KCNK13: variants seen among roughly 807,000 people sequenced by gnomAD.
The protein encoded by KCNK13 is potassium channel subfamily K member 13.
Under a neutral mutation model 23.4 loss-of-function variants are expected in KCNK13, and 12 were observed. The observed-to-expected ratio is 0.51, with a 90% CI of 0.33 to 0.83. KCNK13 has a LOEUF of 0.83. Among genes scored for constraint, KCNK13 ranks in the 40% least tolerant of loss-of-function variants. The pLI, the probability that KCNK13 is intolerant of heterozygous loss-of-function variation, is 0.02. For missense variants in KCNK13, 463 were observed against 556.3 expected (o/e 0.83, Z 1.69); for synonymous variants, 231 against 229.5 (o/e 1.01, Z -0.06).
At chr14:90,098,857 A>G (rs1348679080) in intron 1 of KCNK13, among the ~76,000 whole-genome samples, 1 of 152,154 alleles carries the variant, frequency 6.6e-6, no homozygotes, top group Non-Finnish European at 1.5e-5. Flanking sequence ...AGGCAGGTGG[A>G]TCATGAGATC....
chr14:90,166,705 CAAA>C (rs11406494), intron 1 of KCNK13, among the ~76,000 whole-genome samples: 2 of 110,788 alleles, frequency 1.8e-5, no homozygotes, highest in African/African-American at 3.3e-5. Context: ...GACTCTGTCT[CAAA>C]AAAAAAAAAA....
intron 1 of KCNK13, among the ~76,000 whole-genome samples, chr14:90,137,861 C>T (rs1467005076): frequency 6.6e-6 from 1 of 152,164 alleles, no homozygotes; most frequent in Non-Finnish European, 1.5e-5. Flanking sequence ...AAGGCTGTAG[C>T]TTCTTATAAT....
intron 1 of KCNK13, among the ~76,000 whole-genome samples, chr14:90,164,940 A>C (rs984157070): frequency 1.3e-5 from 2 of 152,134 alleles, no homozygotes; most frequent in African/African-American, 4.8e-5. Flanking sequence ...TTCATTTCGC[A>C]TACCCCTTAC....
At chr14:90,171,514 G>A (rs917670684) in intron 1 of KCNK13, among the ~76,000 whole-genome samples, 4 of 152,310 alleles carry the variant, frequency 2.6e-5, no homozygotes, top group Admixed American at 6.5e-5. Context: ...TTGAAGACAC[G>A]TGCCTGTGAT....
chr14:90,107,884 G>A lies in KCNK13; in HGVS notation c.334+45345G>A, dbSNP rs183504981. 1.4e-5 allele frequency: 11 copies of A among 791,374 alleles called. No individual in the cohort carries two copies. In the East Asian group the frequency reaches 2.5e-4, roughly 18 times the overall value. The allele number at this position is 791,374 out of a possible 1,614,324, so 49.0% of individuals were successfully genotyped here. On this transcript the variant is annotated intron_variant, in intron 1 of 1. Coordinates refer to ENST00000282146, the MANE Select transcript of KCNK13 (RefSeq NM_022054.4). ...AACAGCTCACGGGAGCAAGAATGGG[G>A]CCTTGAGTCTTTATCAGTAAAGATT... is the stretch of plus-strand genomic sequence containing the variant.
chr14:90,176,478 A>C (rs1173314707), intron 1 of KCNK13, among the ~76,000 whole-genome samples: 1 of 151,730 alleles, frequency 6.6e-6, no homozygotes, highest in Non-Finnish European at 1.5e-5. Flanking sequence ...TCCTTTCTTC[A>C]TCCCAGTTGA....
At chr14:90,128,999 A>AAAAGGCAC (rs1889836325) in intron 1 of KCNK13, among the ~76,000 whole-genome samples, 1 of 151,994 alleles carries the variant, frequency 6.6e-6, no homozygotes, top group Non-Finnish European at 1.5e-5. Context: ...GGTAATTATC[A>AAAAGGCAC]TTCTTTTGTT....
intron 1 of KCNK13, among the ~76,000 whole-genome samples, chr14:90,149,059 A>G (rs1289898593): frequency 6.6e-6 from 1 of 152,202 alleles, no homozygotes; most frequent in East Asian, 1.9e-4. Flanking sequence ...GGTAATTTAT[A>G]AAGAAAAAGA....
chr14:90,110,467 G>A (rs1165452947), intron 1 of KCNK13, among the ~76,000 whole-genome samples: 1 of 146,062 alleles, frequency 6.8e-6, no homozygotes, highest in African/African-American at 2.6e-5. Context: ...GCGACGGAGT[G>A]AGTCTTCGTC....
chr14:90,119,365 C>T (rs1889711315), intron 1 of KCNK13, among the ~76,000 whole-genome samples: 1 of 152,160 alleles, frequency 6.6e-6, no homozygotes, highest in African/African-American at 2.4e-5. Flanking sequence ...GGTTAATATC[C>T]TTGATTAACA....
chr14:90,183,951 A>ATG (rs2140450851), intron 1 of KCNK13, among the ~76,000 whole-genome samples, 160 bp from the exon 2 acceptor site: 1 of 152,320 alleles, frequency 6.6e-6, no homozygotes, highest in East Asian at 1.9e-4. Flanking sequence ...TAGTGTCTTC[A>ATG]AAAGCAGGTG....
intron 1 of KCNK13, among the ~76,000 whole-genome samples, chr14:90,103,079 C>A (rs975006254): frequency 1.3e-5 from 2 of 152,156 alleles, no homozygotes; most frequent in Non-Finnish European, 2.9e-5. Flanking sequence ...TGACTGCCAG[C>A]TCCATCCACA....
At chr14:90,110,213 C>T (rs931823885) in intron 1 of KCNK13, among the ~76,000 whole-genome samples, 12 of 152,110 alleles carry the variant, frequency 7.9e-5, no homozygotes, top group African/African-American at 2.2e-4. Context: ...CCAGCAAGAC[C>T]GCATAAAAAT....
chr14:90,125,456 CT>C (rs1407499624), intron 1 of KCNK13, among the ~76,000 whole-genome samples: 1 of 152,000 alleles, frequency 6.6e-6, no homozygotes, highest in Non-Finnish European at 1.5e-5. Context: ...ATCTTCTGAC[CT>C]CGTGAATTGC....
At chr14:90,131,851 A>G (rs1246517170) in intron 1 of KCNK13, among the ~76,000 whole-genome samples, 1 of 152,244 alleles carries the variant, frequency 6.6e-6, no homozygotes, top group Non-Finnish European at 1.5e-5. Context: ...AAAATGGTGC[A>G]ACGGCTACAG....
At chr14:90,091,560 A>T (rs1321008458) in intron 1 of KCNK13, among the ~76,000 whole-genome samples, 1 of 152,226 alleles carries the variant, frequency 6.6e-6, no homozygotes, top group Non-Finnish European at 1.5e-5. Context: ...GATTTTGGAT[A>T]ATGCCCAAAA....
intron 1 of KCNK13, among the ~76,000 whole-genome samples, chr14:90,146,011 CA>C (rs1286823914): frequency 6.6e-6 from 1 of 151,774 alleles, no homozygotes; most frequent in Non-Finnish European, 1.5e-5. Flanking sequence ...CAAAACAAAA[CA>C]AAAACAAATA....
intron 1 of KCNK13, among the ~76,000 whole-genome samples, chr14:90,101,813 C>A (rs997671787): frequency 2.7e-5 from 2 of 73,316 alleles, no homozygotes; most frequent in Non-Finnish European, 6.1e-5. Context: ...AAAAAAAAAA[C>A]CTCACAAGTC....
intron 1 of KCNK13, among the ~76,000 whole-genome samples, chr14:90,094,614 G>A (rs1009037597): frequency 6.7e-6 from 1 of 150,146 alleles, no homozygotes; most frequent in Non-Finnish European, 1.5e-5. Flanking sequence ...GAGGATGATG[G>A]TCTTCATTAT....
Sources: gnomAD v4.1 joint callset for allele counts (sites outside exome capture counted in the v4.1 genomes callset) on GRCh38, gnomAD v4.1.1 for gene constraint, MANE v1.5 for transcripts, NCBI Gene and HGNC (gene_info 2026-07-23, HGNC 2026-07-21) for gene names.